Variants in EPHA6 observed in about 807,000 individuals in gnomAD.
EPHA6 encodes ephrin type-A receptor 6.
Under a neutral mutation model 112.0 loss-of-function variants are expected in EPHA6, and 50 were observed. That is an observed-to-expected ratio of 0.45 (90% confidence interval 0.36 to 0.56). EPHA6 has a LOEUF of 0.56. Ranked by LOEUF, EPHA6 falls within the 20% of genes least tolerant of loss-of-function variation. EPHA6 has a pLI of 0.00. For missense variants in EPHA6, 1,280 were observed against 1,417.4 expected, an observed-to-expected ratio of 0.90 and a Z score of 1.56; for synonymous variants, 529 against 490.7, an observed-to-expected ratio of 1.08 and a Z score of -1.03.
rs773296296 is a variant in EPHA6, at chr3:97,735,987, A to G, written c.2997A>G (p.Leu999=). Residue 999 remains leucine, a synonymous_variant, in exon 16 of 18, where the codon CTA becomes CTG. Coordinates refer to ENST00000389672, the MANE Select transcript of EPHA6 (RefSeq NM_001080448.3). ...CTCCCATGGGCTGTCCAGCATCTCT[A>G]CACCAGCTGATGCTCCACTGCTGGC... ...LPAPMGCPAS[L]HQLMLHCWQK... The G allele has an allele frequency of 1.2e-6, 2 of 1,612,628 alleles. No individual in the cohort carries two copies. The highest frequency in any genetic ancestry group is 2.2e-5 in the East Asian group (1 of 44,816).
intron 2 of EPHA6, among the ~76,000 whole-genome samples, chr3:96,953,611 G>A (rs556860791): frequency 1.3e-5 from 2 of 152,208 alleles, no homozygotes; most frequent in East Asian, 3.9e-4. Flanking sequence ...TTAAAGTTTG[G>A]TATCTGTCTT....
At chr3:97,126,033 G>A (rs1416177365) in intron 3 of EPHA6, among the ~76,000 whole-genome samples, 1 of 152,188 alleles carries the variant, frequency 6.6e-6, no homozygotes, top group Non-Finnish European at 1.5e-5. Flanking sequence ...ATGGCAAGGA[G>A]GCGAGTATTC....
rs2035887640 is a variant in EPHA6 at position 97,750,989 on chromosome 3, T to C, written c.*2288T>C. Among the ~76,000 whole-genome samples the C allele has an allele frequency of 6.6e-6, 1 of 152,046 alleles. No individual in the cohort carries two copies. The highest frequency in any genetic ancestry group is 6.6e-5 in the Admixed American group (1 of 15,260). On this transcript the variant is annotated 3_prime_UTR_variant, in exon 18 of 18. Transcript: ENST00000389672. ...TACATTTACACAAATCTGGATACAC[T>C]TAGAAGAAATATAAAATTTCCATAT...
At chr3:97,565,791 G>A (rs529863917) in intron 11 of EPHA6, among the ~76,000 whole-genome samples, 1 of 152,232 alleles carries the variant, frequency 6.6e-6, no homozygotes, top group African/African-American at 2.4e-5. Flanking sequence ...GGCTGAGGCA[G>A]GTGGATCACA....
At chr3:97,366,933 C>T (rs906706882) in intron 5 of EPHA6, among the ~76,000 whole-genome samples, 1 of 152,172 alleles carries the variant, frequency 6.6e-6, no homozygotes, top group Non-Finnish European at 1.5e-5. Flanking sequence ...ATGCCAGGAA[C>T]TATTCTCAGC....
At chr3:97,187,534 G>A (rs1252293157) in intron 3 of EPHA6, among the ~76,000 whole-genome samples, 3 of 146,256 alleles carry the variant, frequency 2.1e-5, no homozygotes, top group Non-Finnish European at 4.5e-5. Flanking sequence ...TTGTAACACT[G>A]CACTCCAACC....
intron 11 of EPHA6, among the ~76,000 whole-genome samples, chr3:97,561,071 T>A (rs1037904832): frequency 1.3e-5 from 2 of 152,038 alleles, no homozygotes; most frequent in Non-Finnish European, 2.9e-5. Flanking sequence ...GTTTTCTGAC[T>A]GTTCCACCAA....
At chr3:97,170,472 C>T (rs2076668109) in intron 3 of EPHA6, among the ~76,000 whole-genome samples, 1 of 152,106 alleles carries the variant, frequency 6.6e-6, no homozygotes, top group Non-Finnish European at 1.5e-5. Flanking sequence ...CGTGGTGGCT[C>T]ACATCTGTAA....
intron 11 of EPHA6, among the ~76,000 whole-genome samples, chr3:97,539,071 C>CTTTTTCT (rs2092808119): frequency 1.8e-5 from 1 of 55,392 alleles, no homozygotes; most frequent in African/African-American, 1.0e-4. Flanking sequence ...TTCTTCCCTT[C>CTTTTTCT]CTTCCTTCCT....
At chr3:97,571,404 C>G (rs1478750677) in intron 11 of EPHA6, among the ~76,000 whole-genome samples, 1 of 151,962 alleles carries the variant, frequency 6.6e-6, no homozygotes, top group African/African-American at 2.4e-5. Flanking sequence ...AGTTAAAACC[C>G]TTTCATTTGA....
chr3:97,743,544 C>G (rs1297427363), intron 16 of EPHA6, among the ~76,000 whole-genome samples: 1 of 151,990 alleles, frequency 6.6e-6, no homozygotes, highest in Non-Finnish European at 1.5e-5. Context: ...ATTAAGCATC[C>G]ACATATAGAA....
At chr3:96,963,186 A>G (rs973235069) in intron 2 of EPHA6, among the ~76,000 whole-genome samples, 1 of 150,384 alleles carries the variant, frequency 6.6e-6, no homozygotes, top group African/African-American at 2.5e-5. Flanking sequence ...AAAGAGGGGC[A>G]CTAAAGAGAG....
intron 13 of EPHA6, among the ~76,000 whole-genome samples, chr3:97,633,879 G>A (rs1017926857): frequency 3.3e-5 from 5 of 152,106 alleles, no homozygotes; most frequent in Admixed American, 1.3e-4. Context: ...TATACCTCAT[G>A]TATGAATAAA....
intron 2 of EPHA6, among the ~76,000 whole-genome samples, chr3:96,899,383 T>C (rs1455951783): frequency 3.3e-5 from 5 of 152,196 alleles, no homozygotes; most frequent in Non-Finnish European, 7.3e-5. Context: ...TATTTCAAAA[T>C]AAGATAATAT....
chr3:96,961,447 A>G (rs1576176928), intron 2 of EPHA6, among the ~76,000 whole-genome samples: 1 of 152,188 alleles, frequency 6.6e-6, no homozygotes, highest in African/African-American at 2.4e-5. Context: ...GTCTTTATAG[A>G]TGCTATTATG....
chr3:96,904,059 G>A (rs1175232917), intron 2 of EPHA6, among the ~76,000 whole-genome samples: 2 of 152,034 alleles, frequency 1.3e-5, no homozygotes, highest in East Asian at 1.9e-4. Flanking sequence ...CGATTCCTCA[G>A]GGATCTAGAA....
intron 8 of EPHA6, among the ~76,000 whole-genome samples, chr3:97,478,632 G>T (rs1380748370): frequency 6.6e-6 from 1 of 152,056 alleles, no homozygotes; most frequent in Admixed American, 6.5e-5. Flanking sequence ...TTTGGTAGGG[G>T]AGCAGTCATT....
In EPHA6 at chr3:97,570,452, C is replaced by A. The variant is rs1398729123; in HGVS notation, c.2387-22160C>A. Among the ~76,000 whole-genome samples the A allele has an allele frequency of 1.6e-4, 24 of 152,138 alleles. 1 individual carries two copies. The highest frequency in any genetic ancestry group is 3.5e-4 in the Non-Finnish European group (24 of 68,034). ...TATAAATTTAAAAATTACTATGGGG[C>A]TGGGCGCGGTGGCTCACGCCTGTAA... On this transcript the variant is annotated intron_variant, in intron 11 of 17. Coordinates refer to ENST00000389672, the MANE Select transcript of EPHA6 (RefSeq NM_001080448.3).
chr3:97,301,154 G>A (rs1266069008), intron 5 of EPHA6, among the ~76,000 whole-genome samples: 2 of 152,126 alleles, frequency 1.3e-5, no homozygotes, highest in Non-Finnish European at 1.5e-5. Context: ...GAGGTTATCT[G>A]ATCTTGGCAG....
Sources: gnomAD v4.1 joint callset for allele counts (sites outside exome capture counted in the v4.1 genomes callset) on GRCh38, gnomAD v4.1.1 for gene constraint, MANE v1.5 for transcripts, NCBI Gene and HGNC (gene_info 2026-07-23, HGNC 2026-07-21) for gene names.